Variants in TMEM232 observed in about 807,000 individuals in gnomAD.
TMEM232 encodes the protein transmembrane protein 232.
In TMEM232, 80 loss-of-function variants were observed where a neutral mutation model predicts 78.8. That is an observed-to-expected ratio of 1.01 (90% confidence interval 0.85 to 1.22). The LOEUF is 1.22. Among genes scored for constraint, TMEM232 ranks in the 50% most tolerant of loss-of-function variants. The pLI, the probability that TMEM232 is intolerant of heterozygous loss-of-function variation, is 0.00. For synonymous variants in TMEM232, 297 were observed against 254.3 expected, an observed-to-expected ratio of 1.17 and a Z score of -1.60; for missense variants, 881 against 742.2, an observed-to-expected ratio of 1.19 and a Z score of -2.17.
intron 12 of TMEM232, among the ~76,000 whole-genome samples, chr5:110,448,004 GA>G (rs1759854004): frequency 6.6e-6 from 1 of 151,932 alleles, no homozygotes; most frequent in Admixed American, 6.6e-5. Flanking sequence ...TTATAGAGCT[GA>G]AAAATGACTT....
intron 1 of TMEM232, chr5:110,735,138 T>G (rs1799029393): frequency 6.6e-6 from 1 of 152,224 alleles, no homozygotes; most frequent in Admixed American, 6.5e-5. Flanking sequence ...TATAGGTGAT[T>G]TTTATTTTAT....
chr5:110,665,730 A>C (rs137947938), intron 2 of TMEM232, among the ~76,000 whole-genome samples: 1,771 of 152,110 alleles, frequency 0.012, 45 homozygotes, highest in African/African-American at 0.04. Context: ...ATCAGTCCCC[A>C]CTAATGCAGA....
At chr5:110,558,508 C>A (rs1581208231) in intron 11 of TMEM232, among the ~76,000 whole-genome samples, 1 of 152,096 alleles carries the variant, frequency 6.6e-6, no homozygotes, top group African/African-American at 2.4e-5. Flanking sequence ...CTCAGGGAAG[C>A]ACCTCAGTTG....
chr5:110,717,933 T>A (rs1797187160), intron 1 of TMEM232, among the ~76,000 whole-genome samples: 1 of 152,118 alleles, frequency 6.6e-6, no homozygotes, highest in South Asian at 2.1e-4. Context: ...TCAGGTAGTA[T>A]GTGTATAGCA....
chr5:110,489,940 A>G (rs1307547730), intron 12 of TMEM232, among the ~76,000 whole-genome samples: 2 of 152,040 alleles, frequency 1.3e-5, no homozygotes, highest in East Asian at 1.9e-4. Context: ...CCTGGCCAAC[A>G]TGGTGAAATC....
intron 12 of TMEM232, among the ~76,000 whole-genome samples, chr5:110,499,105 T>G (rs1765930146): frequency 6.6e-6 from 1 of 151,880 alleles, no homozygotes. Context: ...TAAAATGGAA[T>G]AGCAAAACAT....
chr5:110,520,849 C>A (rs569302471), intron 12 of TMEM232, among the ~76,000 whole-genome samples: 1 of 152,116 alleles, frequency 6.6e-6, no homozygotes. Context: ...ACCCAAGAGG[C>A]AGAGGTTGTG....
chr5:110,395,514 G>A (rs1250868722), intron 3 of TMEM232, among the ~76,000 whole-genome samples: 2 of 152,082 alleles, frequency 1.3e-5, no homozygotes, highest in East Asian at 3.9e-4. Flanking sequence ...TATTTGATGT[G>A]CCTGACTTTC....
intron 12 of TMEM232, 63 bp from the exon 13 acceptor site, chr5:110,424,979 G>A (rs561936160): frequency 1.8e-6 from 2 of 1,111,796 alleles, no homozygotes; most frequent in East Asian, 2.7e-5. Context: ...CCCAGAAATA[G>A]AATTGTAACT....
chr5:110,711,967 G>T (rs551840641), intron 1 of TMEM232, among the ~76,000 whole-genome samples: 28 of 151,676 alleles, frequency 1.8e-4, no homozygotes, highest in African/African-American at 5.8e-4. Context: ...TTAGCCAGGC[G>T]TGGTGGCACC....
chr5:110,632,416 G>T (rs991326622), intron 5 of TMEM232, among the ~76,000 whole-genome samples: 1 of 151,790 alleles, frequency 6.6e-6, no homozygotes, highest in African/African-American at 2.4e-5. Context: ...AAAAAGAAAT[G>T]TGTGACATCA....
chr5:110,712,644 C>T (rs1313353409), intron 1 of TMEM232, among the ~76,000 whole-genome samples: 2 of 152,154 alleles, frequency 1.3e-5, no homozygotes, highest in East Asian at 3.8e-4. Flanking sequence ...CACTGCTCCC[C>T]TTCTCCAATT....
At chr5:110,491,067 A>G (rs1765036447) in intron 12 of TMEM232, among the ~76,000 whole-genome samples, 1 of 152,106 alleles carries the variant, frequency 6.6e-6, no homozygotes, top group Admixed American at 6.6e-5. Context: ...GTATTTGCAA[A>G]TCATATATCT....
intron 4 of TMEM232, among the ~76,000 whole-genome samples, chr5:110,389,272 C>T (rs920047613): frequency 1.3e-5 from 2 of 150,206 alleles, no homozygotes; most frequent in Non-Finnish European, 2.9e-5. Context: ...AACAAACAAA[C>T]AAAACAAAAC....
downstream of TMEM232, among the ~76,000 whole-genome samples, chr5:110,414,714 A>G (rs756453888): frequency 6.6e-6 from 1 of 152,156 alleles, no homozygotes; most frequent in African/African-American, 2.4e-5. Context: ...TTTGGTTTTT[A>G]TATTCCTTTT....
At chr5:110,731,866 G>C (rs949780648) in intron 2 of TMEM232, among the ~76,000 whole-genome samples, 6 of 152,204 alleles carry the variant, frequency 3.9e-5, no homozygotes, top group Non-Finnish European at 5.9e-5. Flanking sequence ...TGGCCAGCTT[G>C]AATTTCTCCT....
chr5:110,584,234 A>C (rs918325725), intron 10 of TMEM232, among the ~76,000 whole-genome samples: 5 of 151,900 alleles, frequency 3.3e-5, no homozygotes, highest in African/African-American at 1.2e-4. Context: ...AATAGTCAAG[A>C]TACGGAAACA....
At chr5:110,428,407 T>C (rs1319474102) in intron 12 of TMEM232, among the ~76,000 whole-genome samples, 6 of 151,808 alleles carry the variant, frequency 4.0e-5, no homozygotes, top group Non-Finnish European at 8.8e-5. Context: ...CCCATCCTCT[T>C]GGTAGTTTTA....
intron 12 of TMEM232, among the ~76,000 whole-genome samples, chr5:110,468,773 T>A (rs1394177741): frequency 2.6e-5 from 4 of 152,138 alleles, no homozygotes; most frequent in Non-Finnish European, 4.4e-5. Context: ...ATAATGTCAG[T>A]AAGATGGCTG....
Sources: allele counts gnomAD v4.1 joint callset (sites outside exome capture counted in the v4.1 genomes callset), GRCh38; gene constraint gnomAD v4.1.1; transcripts MANE v1.5; gene names NCBI Gene and HGNC (gene_info 2026-07-23, HGNC 2026-07-21).